The following COL25A1 variants were observed in gnomAD, a reference collection of about 807,000 sequenced individuals.
The protein encoded by COL25A1 is collagen type XXV alpha 1 chain.
Under a neutral mutation model 128.4 loss-of-function variants are expected in COL25A1, and 103 were observed. The observed-to-expected ratio is 0.80, with a 90% confidence interval of 0.68 to 0.94. COL25A1 has a LOEUF of 0.94. Among genes scored for constraint, COL25A1 ranks in the 40% least tolerant of loss-of-function variants. The pLI is 0.00. For synonymous variants in COL25A1, 279 were observed against 277.2 expected, an observed-to-expected ratio of 1.01 and a Z score of -0.06; for missense variants, 745 against 840.0, an observed-to-expected ratio of 0.89 and a Z score of 1.40.
chr4:108,810,863 G>T lies in COL25A1; in HGVS notation c.*3064C>A, dbSNP rs1203657675. 1 of 151,912 alleles carries T rather than the reference G, an allele frequency of 6.6e-6. No homozygotes were observed. Among genetic ancestry groups the T allele is most frequent in the East Asian group, 1.9e-4 (1 of 5,184 alleles). The allele number at this position is 151,912 out of a possible 1,614,324, so 9.4% of individuals were successfully genotyped here. ...TGATTTAGGAATGCTATTAAACAGG[G>T]AAATAAAATTATCCATAGTAGTTGT... is the stretch of plus-strand genomic sequence containing the variant. On this transcript the variant is annotated 3_prime_UTR_variant, in exon 38 of 38. Coordinates refer to ENST00000399132, the MANE Select transcript of COL25A1 (RefSeq NM_198721.4).
chr4:108,889,096 C>T (rs1378259447), intron 18 of COL25A1, 125 bp downstream of exon 18: 2 of 899,670 alleles, frequency 2.2e-6, no homozygotes, highest in Non-Finnish European at 3.5e-6. Context: ...AACAATAACA[C>T]TCTGTAATGC....
intron 5 of COL25A1, among the ~76,000 whole-genome samples, chr4:109,035,816 C>T (rs1461948596): frequency 6.6e-6 from 1 of 151,952 alleles, no homozygotes; most frequent in Non-Finnish European, 1.5e-5. Context: ...TAAAATGTTC[C>T]AACAATCTAA....
At chr4:108,958,566 G>A (rs722717) in intron 8 of COL25A1, among the ~76,000 whole-genome samples, 61,913 of 151,474 alleles carry the variant, frequency 0.41, 13,053 homozygotes, top group East Asian at 0.61. Flanking sequence ...GAAATTTAGA[G>A]TCCCATTTTT....
At chr4:109,134,392 T>C (rs952148552) in intron 3 of COL25A1, among the ~76,000 whole-genome samples, 4 of 152,104 alleles carry the variant, frequency 2.6e-5, no homozygotes, top group Non-Finnish European at 5.9e-5. Context: ...GAAAGGAGCA[T>C]CTGATTTACA....
At chr4:109,096,765 C>G (rs928232844) in intron 3 of COL25A1, among the ~76,000 whole-genome samples, 12 of 152,168 alleles carry the variant, frequency 7.9e-5, no homozygotes, top group African/African-American at 2.9e-4. Context: ...AAAAAACAGG[C>G]CTGTCATAGA....
chr4:108,885,877 C>T lies in COL25A1; in HGVS notation c.976-1655G>A, dbSNP rs184855775. 4.9e-3 allele frequency among the ~76,000 whole-genome samples: 741 copies of T among 152,236 alleles called. 7 individuals carry two copies. Among genetic ancestry groups the T allele is most frequent in the Non-Finnish European group, 6.2e-3 (422 of 68,016 alleles). ...TGTAGGTTGTAACATTATTGTCCAACGGGTGTTCTCGTCACCTCTTTTCCT... is the reference window on the plus strand; with the variant it reads ...TGTAGGTTGTAACATTATTGTCCAATGGGTGTTCTCGTCACCTCTTTTCCT... On this transcript the variant is annotated intron_variant, in intron 18 of 37. Transcript: ENST00000399132.
At position 108,879,169 on chromosome 4, in the gene COL25A1, T is replaced by C. The variant is rs1578637255; in HGVS notation, c.1020+5009A>G. On this transcript the variant is annotated intron_variant, in intron 19 of 37. Transcript: ENST00000399132. ...AAAAGCTAGTCTTTATATAATTTAG[T>C]GGCAAGAATGATTTCATATGCTGGG... 9.2e-5 allele frequency among the ~76,000 whole-genome samples: 14 copies of C among 152,314 alleles called. No individual in the cohort carries two copies. In the South Asian group the frequency reaches 2.9e-3, roughly 32 times the overall value.
chr4:109,011,668 A>G (rs1345081304), intron 5 of COL25A1, among the ~76,000 whole-genome samples: 1 of 152,236 alleles, frequency 6.6e-6, no homozygotes, highest in African/African-American at 2.4e-5. Flanking sequence ...AAATTTATAG[A>G]AAAGCCAGAA....
intron 3 of COL25A1, among the ~76,000 whole-genome samples, chr4:109,279,000 G>A (rs1382717482): frequency 1.3e-5 from 2 of 151,816 alleles, no homozygotes; most frequent in Non-Finnish European, 2.9e-5. Context: ...CTTTTTATAT[G>A]GGCACTAATC....
At chr4:109,006,370 C>A (rs989409727) in intron 6 of COL25A1, among the ~76,000 whole-genome samples, 46 of 130,212 alleles carry the variant, frequency 3.5e-4, no homozygotes, top group Non-Finnish European at 6.6e-4. Flanking sequence ...CACTGCCACA[C>A]CCAGCTAATT....
At chr4:109,059,584 A>G (rs1179634079) in intron 3 of COL25A1, among the ~76,000 whole-genome samples, 1 of 152,236 alleles carries the variant, frequency 6.6e-6, no homozygotes, top group Non-Finnish European at 1.5e-5. Context: ...AACAGCTAAT[A>G]AAGTTCTATT....
At chr4:109,140,770 T>C (rs1334047461) in intron 3 of COL25A1, among the ~76,000 whole-genome samples, 2 of 152,246 alleles carry the variant, frequency 1.3e-5, no homozygotes, top group East Asian at 1.9e-4. Flanking sequence ...TTGTGACTTT[T>C]GCACACTGAC....
chr4:109,149,103 C>T (rs1560772898), intron 3 of COL25A1, among the ~76,000 whole-genome samples: 1 of 152,096 alleles, frequency 6.6e-6, no homozygotes, highest in Admixed American at 6.5e-5. Flanking sequence ...CACATACACC[C>T]GTAAATTATG....
intron 3 of COL25A1, among the ~76,000 whole-genome samples, chr4:109,088,730 A>C (rs1487307297): frequency 6.6e-6 from 1 of 152,198 alleles, no homozygotes; most frequent in Non-Finnish European, 1.5e-5. Flanking sequence ...TTTACATTCG[A>C]ATAGAAGACA....
chr4:109,215,774 C>G (rs1388032906), intron 3 of COL25A1, among the ~76,000 whole-genome samples: 1 of 152,112 alleles, frequency 6.6e-6, no homozygotes, highest in Non-Finnish European at 1.5e-5. Context: ...TAACACAGCT[C>G]CCGTCACCCA....
At chr4:108,994,583 C>T (rs141959327) in intron 6 of COL25A1, among the ~76,000 whole-genome samples, 1,530 of 152,296 alleles carry the variant, frequency 0.01, 26 homozygotes, top group African/African-American at 0.034. Flanking sequence ...CTTAAATGTC[C>T]CTGTCTGACA....
intron 8 of COL25A1, among the ~76,000 whole-genome samples, chr4:108,958,507 C>T (rs941464135): frequency 6.6e-6 from 1 of 151,872 alleles, no homozygotes; most frequent in Non-Finnish European, 1.5e-5. Flanking sequence ...GCTAGATCAT[C>T]TTAGGTAATA....
At chr4:109,149,621 G>A (rs142813663) in intron 3 of COL25A1, among the ~76,000 whole-genome samples, 7 of 152,296 alleles carry the variant, frequency 4.6e-5, no homozygotes, top group African/African-American at 1.7e-4. Flanking sequence ...ACATGTAAAC[G>A]AGTCTACAAA....
chr4:109,302,089 A>G lies in COL25A1; in HGVS notation c.-56-14T>C. 6.7e-7 allele frequency: 1 copy of G among 1,485,914 alleles called. No homozygotes were observed. The highest frequency in any genetic ancestry group is 8.9e-7 in the Non-Finnish European group (1 of 1,125,872). The allele number at this position is 1,485,914 out of a possible 1,614,324, so 92.0% of individuals were successfully genotyped here. On this transcript the variant is annotated splice_polypyrimidine_tract_variant and intron_variant, in intron 1 of 37. Transcript: ENST00000399132. ...CCTCAAATAATCCTAAAAGGAAAGA[A>G]AAAGGTCGATTCCTCCAAAGTTCAG...
Sources: gnomAD v4.1 joint callset for allele counts (sites outside exome capture counted in the v4.1 genomes callset) on GRCh38, gnomAD v4.1.1 for gene constraint, MANE v1.5 for transcripts, NCBI Gene and HGNC (gene_info 2026-07-23, HGNC 2026-07-21) for gene names.